Variants in TUSC3 observed in about 807,000 individuals in gnomAD.
The protein encoded by TUSC3 is tumor suppressor candidate 3.
A neutral mutation model predicts 44.8 loss-of-function variants in TUSC3; 45 were observed. That is an observed-to-expected ratio of 1.00 (90% CI 0.79 to 1.29). TUSC3 has a LOEUF of 1.29. TUSC3 is among the 50% of genes most tolerant of loss of function. The probability of loss-of-function intolerance (pLI) is 0.00; values close to 1 mark genes in which losing one functional copy is unlikely to be tolerated. For missense variants in TUSC3, 519 were observed against 437.9 expected (o/e 1.19, Z -1.65); for synonymous variants, 212 against 152.9 (o/e 1.39, Z -2.85).
At chr8:15,533,892 G>A (rs1484585209) in intron 2 of TUSC3, among the ~76,000 whole-genome samples, 1 of 152,182 alleles carries the variant, frequency 6.6e-6, no homozygotes, top group African/African-American at 2.4e-5. Flanking sequence ...TGTGGTCAGG[G>A]AGGGGTTTAT....
intron 1 of TUSC3, among the ~76,000 whole-genome samples, chr8:15,607,926 G>T (rs1804603368): frequency 6.6e-6 from 1 of 152,112 alleles, no homozygotes; most frequent in Admixed American, 6.6e-5. Flanking sequence ...GTAATGAAGT[G>T]TCATATCTTG....
intron 6 of TUSC3, among the ~76,000 whole-genome samples, chr8:15,679,522 AT>A (rs1808325300): frequency 6.6e-6 from 1 of 151,896 alleles, no homozygotes; most frequent in Non-Finnish European, 1.5e-5. Flanking sequence ...CATAGTTTGT[AT>A]TTTCTCCTGT....
At chr8:15,774,578 A>C in the TUSC3 span, among the ~76,000 whole-genome samples, 5 of 152,278 alleles carry the variant, frequency 3.3e-5, no homozygotes, top group African/African-American at 1.2e-4. Flanking sequence ...TTTAGTCTCC[A>C]GAACATTAAG....
At chr8:15,553,951 G>A (rs1373033273) in intron 1 of TUSC3, among the ~76,000 whole-genome samples, 2 of 151,680 alleles carry the variant, frequency 1.3e-5, no homozygotes, top group Non-Finnish European at 2.9e-5. Flanking sequence ...AGGCTGTTCA[G>A]ACTGCCATAA....
At chr8:15,711,333 T>A (rs1001875967) in intron 6 of TUSC3, among the ~76,000 whole-genome samples, 1 of 151,696 alleles carries the variant, frequency 6.6e-6, no homozygotes, top group African/African-American at 2.4e-5. Context: ...TTTTCAAATA[T>A]TATTTAGAAG....
At chr8:15,522,347 C>T (rs980268227) in intron 2 of TUSC3, among the ~76,000 whole-genome samples, 29 of 152,074 alleles carry the variant, frequency 1.9e-4, no homozygotes, top group Admixed American at 1.8e-3. Context: ...ATTCTTGTGC[C>T]TAAGCCTCCC....
intron 1 of TUSC3, among the ~76,000 whole-genome samples, chr8:15,582,217 C>A (rs1319860640): frequency 6.6e-6 from 1 of 152,204 alleles, no homozygotes; most frequent in East Asian, 1.9e-4. Flanking sequence ...CTGGCACTCC[C>A]TAGTGAGAGA....
At chr8:15,727,992 G>C (rs147359625) in intron 6 of TUSC3, among the ~76,000 whole-genome samples, 1 of 152,128 alleles carries the variant, frequency 6.6e-6, no homozygotes, top group Non-Finnish European at 1.5e-5. Context: ...CCTGCCTTAT[G>C]TATACAAGAA....
intron 1 of TUSC3, among the ~76,000 whole-genome samples, chr8:15,445,911 G>GC (rs1391966886): frequency 1.3e-5 from 2 of 150,924 alleles, no homozygotes; most frequent in African/African-American, 2.4e-5. Flanking sequence ...GGGCGGAGGC[G>GC]CCCCCCACCT....
intron 1 of TUSC3, among the ~76,000 whole-genome samples, chr8:15,453,213 T>A (rs1800215942): frequency 6.6e-6 from 1 of 152,010 alleles, no homozygotes; most frequent in Non-Finnish European, 1.5e-5. Context: ...TCTGTCCATA[T>A]GACTTCACAT....
At chr8:15,539,914 T>A (rs1313509871), upstream of TUSC3, among the ~76,000 whole-genome samples, 1 of 151,988 alleles carries the variant, frequency 6.6e-6, no homozygotes, top group African/African-American at 2.4e-5. Flanking sequence ...AAGAGCTGTG[T>A]TCCTAATAAT....
intron 1 of TUSC3, among the ~76,000 whole-genome samples, chr8:15,563,738 A>G (rs1440619090): frequency 1.3e-5 from 2 of 150,976 alleles, no homozygotes; most frequent in African/African-American, 4.9e-5. Context: ...GTGGACTGAA[A>G]CCATCCTCAG....
At position 15,748,480 on chromosome 8, in the gene TUSC3, C is replaced by G; in HGVS notation, c.1028+15C>G. On this transcript the variant is annotated intron_variant, in intron 9 of 10. Coordinates refer to ENST00000503731, the MANE Select transcript of TUSC3 (RefSeq NM_006765.4). ...TATCCTTATAGGTAATATCTTTATACTAACATGAATGTTTTTATTTTTAAC... is the reference window on the plus strand; with the variant it reads ...TATCCTTATAGGTAATATCTTTATAGTAACATGAATGTTTTTATTTTTAAC... The G allele has an allele frequency of 1.9e-6, 3 of 1,547,738 alleles. No homozygotes were observed. The highest frequency in any genetic ancestry group is 2.3e-5 in the East Asian group (1 of 44,428).
chr8:15,821,068 G>A, the TUSC3 span, among the ~76,000 whole-genome samples: 2 of 151,984 alleles, frequency 1.3e-5, no homozygotes, highest in African/African-American at 4.8e-5. Flanking sequence ...ATTTTTTGTA[G>A]AGTAAATCTG....
At chr8:15,708,321 G>C (rs533574290) in intron 6 of TUSC3, among the ~76,000 whole-genome samples, 1 of 151,988 alleles carries the variant, frequency 6.6e-6, no homozygotes, top group East Asian at 1.9e-4. Context: ...GAAAAACCTT[G>C]TGTGTCACAG....
At chr8:15,552,754 G>A (rs1429627140) in intron 1 of TUSC3, among the ~76,000 whole-genome samples, 2 of 151,594 alleles carry the variant, frequency 1.3e-5, no homozygotes, top group East Asian at 3.9e-4. Flanking sequence ...TCCTGAAATC[G>A]GTGGGGAGAA....
At chr8:15,783,727 C>A in the TUSC3 span, among the ~76,000 whole-genome samples, 1 of 152,080 alleles carries the variant, frequency 6.6e-6, no homozygotes, top group South Asian at 2.1e-4. Flanking sequence ...ATGGATTAAA[C>A]ATAAGACCAG....
intron 2 of TUSC3, among the ~76,000 whole-genome samples, chr8:15,493,894 T>C (rs1000728142): frequency 2.6e-5 from 4 of 152,194 alleles, no homozygotes; most frequent in African/African-American, 7.2e-5. Context: ...AGGAGTATCC[T>C]GATGATTTCC....
intron 10 of TUSC3, among the ~76,000 whole-genome samples, chr8:15,763,379 A>G (rs1448222892): frequency 2.6e-5 from 4 of 151,378 alleles, no homozygotes; most frequent in Admixed American, 6.6e-5. Flanking sequence ...TTCCAGCTAC[A>G]TGTTTTTTTT....
Sources: gnomAD v4.1 joint callset for allele counts (sites outside exome capture counted in the v4.1 genomes callset) on GRCh38, gnomAD v4.1.1 for gene constraint, MANE v1.5 for transcripts, NCBI Gene and HGNC (gene_info 2026-07-23, HGNC 2026-07-21) for gene names.